The following MYO18A variants were observed in gnomAD, a reference collection of about 807,000 sequenced individuals.
MYO18A encodes the protein unconventional myosin-XVIIIa.
Under a neutral mutation model 235.8 loss-of-function variants are expected in MYO18A, and 78 were observed. The ratio of observed to expected loss-of-function variants is 0.33; its 90% confidence interval spans 0.28 to 0.40. The LOEUF is 0.40. MYO18A is among the 10% of genes least tolerant of loss of function. The pLI is 1.00. For synonymous variants in MYO18A, 977 were observed against 1,077.8 expected (o/e 0.91, Z 1.83); for missense variants, 2,215 against 2,699.3 (o/e 0.82, Z 3.98).
rs2067164683 is a variant in MYO18A, at chr17:29,120,231, T to C, written c.1728+385A>G. On this transcript the variant is annotated intron_variant, in intron 7 of 41. Coordinates refer to ENST00000527372, the MANE Select transcript of MYO18A (RefSeq NM_078471.4). The surrounding 1 kb of genome is among the most constrained non-coding windows in gnomAD (Gnocchi z 4.2). ...GGAGCTTGTGGTGAGGTATTTAGCATGGGAGGGAATCAGCCTTGGCTGGGC... is the reference window on the plus strand; with the variant it reads ...GGAGCTTGTGGTGAGGTATTTAGCACGGGAGGGAATCAGCCTTGGCTGGGC... 6.6e-6 allele frequency among the ~76,000 whole-genome samples: 1 copy of C among 152,160 alleles called. No individual in the cohort carries two copies. The highest frequency in any genetic ancestry group is 2.4e-5 in the African/African-American group (1 of 41,430).
At chr17:29,165,809 A>G in intron 2 of MYO18A, 133 bp downstream of exon 2, 1 of 864,310 alleles carries the variant, frequency 1.2e-6, no homozygotes, top group East Asian at 2.7e-5. Context: ...AGGCTCAGAG[A>G]GCAGCAGGGC....
intron 14 of MYO18A, among the ~76,000 whole-genome samples, 194 bp downstream of exon 14, chr17:29,114,713 A>C (rs2152835352): frequency 6.6e-6 from 1 of 152,338 alleles, no homozygotes; most frequent in African/African-American, 2.4e-5. Flanking sequence ...CCTGGAGAGT[A>C]AACTCTCCAC....
intron 2 of MYO18A, among the ~76,000 whole-genome samples, chr17:29,157,720 C>T (rs1049456960): frequency 6.6e-6 from 1 of 152,118 alleles, no homozygotes; most frequent in Non-Finnish European, 1.5e-5. Context: ...GAATGTTAGA[C>T]GTGATCCTCA....
At chr17:29,076,418 T>A (rs568035649) in intron 41 of MYO18A, 2 of 149,698 alleles carry the variant, frequency 1.3e-5, no homozygotes, top group South Asian at 4.2e-4. Flanking sequence ...TAAAGAAAGG[T>A]CGGTCTCTAT....
chr17:29,145,654 T>C (rs150702803), intron 2 of MYO18A, among the ~76,000 whole-genome samples: 2 of 152,252 alleles, frequency 1.3e-5, no homozygotes, highest in African/African-American at 2.4e-5. Flanking sequence ...TCAGAGACAA[T>C]ATGAGGCACG....
At chr17:29,136,249 AAATATATATAT>A (rs1184321074) in intron 2 of MYO18A, among the ~76,000 whole-genome samples, 3 of 77,598 alleles carry the variant, frequency 3.9e-5, no homozygotes, top group African/African-American at 1.3e-4. Flanking sequence ...AAAAAAAAAA[AAATATATATAT>A]ATATATATAT....
chr17:29,174,509 T>TA (rs1037202197), intron 1 of MYO18A, among the ~76,000 whole-genome samples: 5 of 150,012 alleles, frequency 3.3e-5, no homozygotes, highest in Admixed American at 6.6e-5. Flanking sequence ...TCTCAAAAAA[T>TA]AAAAAAAATA....
At chr17:29,144,505 ACCTG>A (rs2067806551) in intron 2 of MYO18A, among the ~76,000 whole-genome samples, 1 of 152,124 alleles carries the variant, frequency 6.6e-6, no homozygotes, top group Non-Finnish European at 1.5e-5. Context: ...AGCCAGACAC[ACCTG>A]GGTCTGAATC....
In MYO18A at chr17:29,095,029, C is replaced by T. The variant is rs373428691; in HGVS notation, c.4416G>A (p.Glu1472=). The change falls in exon 29 of 42, where the codon GAG becomes GAA. Residue 1472 remains glutamate, a synonymous_variant. Transcript: ENST00000527372. ...GCTGCAGCTTCTCCCGCTGGGCCTC[C>T]TCATGCGCCTGCGAGAGCTCACTGT... ...RFDSELSQAH[E]EAQREKLQRE... The T allele has an allele frequency of 3.8e-6, 6 of 1,569,724 alleles. No individual in the cohort carries two copies. Among genetic ancestry groups the T allele is most frequent in the Non-Finnish European group, 5.2e-6 (6 of 1,156,530 alleles).
intron 41 of MYO18A, chr17:29,077,374 A>G (rs1296534495): frequency 6.6e-6 from 1 of 152,304 alleles, no homozygotes; most frequent in Non-Finnish European, 1.5e-5. Context: ...AATTTGGTAC[A>G]TAAGCTAATT....
chr17:29,087,989 A>G (rs1436395083), intron 37 of MYO18A, among the ~76,000 whole-genome samples: 2 of 150,720 alleles, frequency 1.3e-5, no homozygotes, highest in Non-Finnish European at 3.0e-5. Context: ...CCCTTCCTGT[A>G]TGTAAAATGG....
At chr17:29,075,931 G>C (rs931073949) in intron 41 of MYO18A, 2 of 153,932 alleles carry the variant, frequency 1.3e-5, no homozygotes, top group Admixed American at 1.3e-4. Flanking sequence ...ACTTGGGCAA[G>C]CAGGAGTTCC....
Position 29,109,897 on chromosome 17 carries a change from C to T in MYO18A, c.3292G>A (p.Gly1098Ser), listed in dbSNP as rs749518766. ...DVPLLRTQLR[G>S]SRLLDAMRMY... is the part of the protein sequence containing the mutation. ...CGCATGGCATCGAGCAGGCGGGAGC[C>T]GCGGAGCTGGGTGCGGAGCAGGGGC... The change falls in exon 19 of 42, where the codon GGC becomes AGC. Residue 1098 changes from glycine to serine, a missense_variant. Transcript: ENST00000527372. The surrounding 1 kb of genome is among the most constrained non-coding windows in gnomAD (Gnocchi z 4.1). 7.6e-6 allele frequency: 12 copies of T among 1,574,082 alleles called. No individual in the cohort carries two copies. Among genetic ancestry groups the T allele is most frequent in the African/African-American group, 1.4e-5 (1 of 73,998 alleles).
chr17:29,151,398 T>C (rs2067961072), intron 2 of MYO18A, among the ~76,000 whole-genome samples: 1 of 152,196 alleles, frequency 6.6e-6, no homozygotes, highest in Non-Finnish European at 1.5e-5. Flanking sequence ...TCCCTTTCAG[T>C]GTGTCCTGGT....
intron 22 of MYO18A, 68 bp downstream of exon 22, chr17:29,099,566 C>T: frequency 1.9e-6 from 3 of 1,562,838 alleles, no homozygotes; most frequent in African/African-American, 1.4e-5. Flanking sequence ...CCCTTATAGC[C>T]CCCACCCCAG....
chr17:29,096,176 G>A (rs1486149368), intron 28 of MYO18A, among the ~76,000 whole-genome samples: 2 of 152,162 alleles, frequency 1.3e-5, no homozygotes, highest in African/African-American at 4.8e-5. Context: ...CCCCTGCAGA[G>A]GAGAAATGGG....
intron 2 of MYO18A, among the ~76,000 whole-genome samples, chr17:29,163,879 G>A (rs1462555500): frequency 6.6e-6 from 1 of 152,234 alleles, no homozygotes; most frequent in Non-Finnish European, 1.5e-5. Flanking sequence ...ATGGCAACAT[G>A]TTAGTCTTTG....
chr17:29,148,550 C>A (rs1365971384), intron 2 of MYO18A, among the ~76,000 whole-genome samples: 1 of 151,676 alleles, frequency 6.6e-6, no homozygotes, highest in East Asian at 1.9e-4. Flanking sequence ...GGAGTCCCTT[C>A]CCTTTCTTGG....
intron 2 of MYO18A, among the ~76,000 whole-genome samples, chr17:29,136,250 A>AAAAAAAAAAATATATATAT (rs1483354837): frequency 1.2e-5 from 1 of 82,472 alleles, no homozygotes; most frequent in African/African-American, 4.6e-5. Context: ...AAAAAAAAAA[A>AAAAAAAAAAATATATATAT]ATATATATAT....
Sources: allele counts gnomAD v4.1 joint callset (sites outside exome capture counted in the v4.1 genomes callset), GRCh38; gene constraint gnomAD v4.1.1; non-coding constraint Gnocchi (gnomAD v3.1); transcripts MANE v1.5; gene names NCBI Gene and HGNC (gene_info 2026-07-23, HGNC 2026-07-21).